The following XDH variants were observed in gnomAD, a reference collection of about 807,000 sequenced individuals.
XDH encodes the protein xanthine dehydrogenase/oxidase.
XDH carries 138 observed loss-of-function variants against 156.1 expected under a neutral mutation model. The ratio of observed to expected loss-of-function variants is 0.88; its 90% CI spans 0.77 to 1.02. The LOEUF (loss-of-function observed/expected upper bound fraction) is 1.02, where lower values mean the gene tolerates loss of function less well. Ranked by LOEUF, XDH falls within the 50% of genes least tolerant of loss-of-function variation. The pLI is 0.00. For synonymous variants in XDH, 669 were observed against 625.7 expected (o/e 1.07, Z -1.03); for missense variants, 1,849 against 1,684.9 (o/e 1.10, Z -1.71).
At chr2:31,403,406 C>T (rs1378269422) in intron 2 of XDH, among the ~76,000 whole-genome samples, 2 of 152,192 alleles carry the variant, frequency 1.3e-5, no homozygotes, top group African/African-American at 4.8e-5. Flanking sequence ...AGTAGCATCT[C>T]TTGGGACATG....
intron 16 of XDH, among the ~76,000 whole-genome samples, chr2:31,373,411 T>C (rs1171332714): frequency 6.6e-6 from 1 of 152,204 alleles, no homozygotes; most frequent in East Asian, 1.9e-4. Flanking sequence ...GCTTTTGTGC[T>C]ACAATGACAG....
intron 24 of XDH, among the ~76,000 whole-genome samples, chr2:31,360,758 A>T (rs1685756012): frequency 6.6e-6 from 1 of 152,180 alleles, no homozygotes; most frequent in African/African-American, 2.4e-5. Context: ...AGATAAGGGA[A>T]GATGACTGTA....
At chr2:31,387,726 G>T in intron 8 of XDH, 85 bp downstream of exon 8, 1 of 1,273,408 alleles carries the variant, frequency 7.9e-7, no homozygotes, top group Non-Finnish European at 1.1e-6. Context: ...AAGACACAAA[G>T]TTCCCAGTGG....
intron 2 of XDH, among the ~76,000 whole-genome samples, chr2:31,404,089 A>G (rs1349260902): frequency 1.3e-5 from 2 of 151,454 alleles, no homozygotes; most frequent in Non-Finnish European, 2.9e-5. Flanking sequence ...TTTAAAAAAA[A>G]CAACAAACTG....
At position 31,381,699 on chromosome 2, in the gene XDH, T is replaced by G; in HGVS notation, c.1066A>C (p.Ser356Arg). ...ASVGGNIITA[S>R]PISDLNPVFM... ...ACGGGGTTGAGGTCGGAGATGGGGC[T>G]GGCAGTGATGATGTTCCCTCCAACG... The change falls in exon 12 of 36, where the codon AGC becomes CGC. Residue 356 changes from serine (S) to arginine (R), a missense_variant. Coordinates refer to ENST00000379416, the MANE Select transcript of XDH (RefSeq NM_000379.4). The G allele has an allele frequency of 6.2e-7, 1 of 1,613,944 alleles. No homozygotes were observed. The highest frequency in any genetic ancestry group is 1.3e-5 in the African/African-American group (1 of 75,032).
In XDH at chr2:31,386,421, C is replaced by T. The variant is rs201436175; in HGVS notation, c.786G>A (p.Thr262=). The T allele has an allele frequency of 1.8e-5, 29 of 1,613,088 alleles. 1 individual carries two copies. The highest frequency in any genetic ancestry group is 1.3e-4 in the East Asian group (6 of 44,870). ...HPDAKLVVGN[T]EIGIEMKFKN... is the part of the protein sequence containing the mutation. ...AGCCTCCCTGGCCCTTACCAATCTC[C>T]GTGTTCCCCACGACCAGCTTGGCGT... The change falls in exon 9 of 36, where the codon ACG becomes ACA. Residue 262 remains threonine, a synonymous_variant. Coordinates refer to ENST00000379416, the MANE Select transcript of XDH (RefSeq NM_000379.4).
intron 24 of XDH, among the ~76,000 whole-genome samples, chr2:31,351,316 T>C (rs1461322813): frequency 6.6e-6 from 1 of 152,244 alleles, no homozygotes; most frequent in Non-Finnish European, 1.5e-5. Flanking sequence ...ATTTTGTATG[T>C]ACTTATTACT....
At chr2:31,376,148 G>A (rs1289331763) in intron 14 of XDH, among the ~76,000 whole-genome samples, 1 of 151,914 alleles carries the variant, frequency 6.6e-6, no homozygotes, top group African/African-American at 2.4e-5. Context: ...GGTAGCAATA[G>A]TAGCAATAAC....
At position 31,372,336 on chromosome 2, in the gene XDH, G is replaced by T. The variant is rs1333577339; in HGVS notation, c.1748C>A (p.Ala583Glu). 2.5e-6 allele frequency: 4 copies of T among 1,614,026 alleles called. No individual in the cohort carries two copies. Among genetic ancestry groups the T allele is most frequent in the African/African-American group, 2.7e-5 (2 of 74,930 alleles). ...GGCCTCACCAGAGGCCTGCATGTCC[G>T]CTGCCAGGTGGGGCAGGGGCCGGCC... ...MVGRPLPHLA[A>E]DMQASGEAVY... is the part of the protein sequence containing the mutation. The change falls in exon 17 of 36, where the codon GCG becomes GAG. Residue 583 changes from alanine (A) to glutamate (E), a missense_variant. Ala to Glu is a moderately radical substitution (Grantham distance 107). Transcript: ENST00000379416.
chr2:31,405,111 A>G (rs545399164), intron 2 of XDH, among the ~76,000 whole-genome samples: 50 of 152,284 alleles, frequency 3.3e-4, no homozygotes, highest in African/African-American at 1.1e-3. Flanking sequence ...AGAACACACT[A>G]GCAAAAGGCA....
intron 9 of XDH, among the ~76,000 whole-genome samples, chr2:31,385,542 C>G (rs745951913): frequency 6.6e-6 from 1 of 152,208 alleles, no homozygotes; most frequent in Non-Finnish European, 1.5e-5. Flanking sequence ...GCATGCCCCT[C>G]CACAGCAGAG....
chr2:31,403,552 G>A (rs1232887533), intron 2 of XDH, among the ~76,000 whole-genome samples: 1 of 152,070 alleles, frequency 6.6e-6, no homozygotes, highest in Non-Finnish European at 1.5e-5. Context: ...AGCCACTTGG[G>A]CCAGAATGAG....
At position 31,347,588 on chromosome 2, in the gene XDH, G is replaced by C. The variant is rs769346803; in HGVS notation, c.3210C>G (p.Asn1070Lys). ...SKIYISETSTNTVPNTSPTAA... is the reference protein window; with the variant it reads ...SKIYISETSTKTVPNTSPTAA... ...CCGTGGGAGAGGTGTTGGGCACAGT[G>C]TTAGTGCTTGTCTCGCTGATATAAA... The change falls in exon 29 of 36, where the codon AAC (asparagine) becomes AAG (lysine). Residue 1070 changes from asparagine (N) to lysine (K), a missense_variant. Asn to Lys is a moderately conservative substitution (Grantham distance 94). Coordinates refer to ENST00000379416, the MANE Select transcript of XDH (RefSeq NM_000379.4). 25 of 1,614,182 alleles carry C rather than the reference G, an allele frequency of 1.5e-5. No homozygotes were observed. Among genetic ancestry groups the C allele is most frequent in the Middle Eastern group, 1.7e-4 (1 of 6,060 alleles).
rs369143571 is a variant in XDH, at chr2:31,375,413, G to C, written c.1569C>G (p.Val523=). ...LSFFFKFYLT[V]LQKLGQENLE... is the part of the protein sequence containing the mutation. ...GGTTCTCTTGGCCCAGCTTCTGAAGGACTGTCAGGTAGAACTTGAAGAAGA... is the reference window on the plus strand; with the variant it reads ...GGTTCTCTTGGCCCAGCTTCTGAAGCACTGTCAGGTAGAACTTGAAGAAGA... The change falls in exon 15 of 36, where the codon GTC becomes GTG. Residue 523 remains valine, a synonymous_variant. Transcript: ENST00000379416. The C allele has an allele frequency of 2.0e-5, 32 of 1,614,040 alleles. No homozygotes were observed. The highest frequency in any genetic ancestry group is 2.5e-5 in the Non-Finnish European group (29 of 1,180,040).
chr2:31,347,655 G>T lies in XDH; in HGVS notation c.3148-5C>A, dbSNP rs770385437. The T allele has an allele frequency of 6.2e-7, 1 of 1,613,250 alleles. No individual in the cohort carries two copies. Among genetic ancestry groups the T allele is most frequent in the East Asian group, 2.2e-5 (1 of 44,848 alleles). Reference sequence around the variant, plus strand: ...TTTCAGAGCTCTACTGGCCACCTGCGAAAAGAGAAGACATTGCCCTCTAGG... The same window carrying T: ...TTTCAGAGCTCTACTGGCCACCTGCTAAAAGAGAAGACATTGCCCTCTAGG... On this transcript the variant is annotated splice_region_variant and splice_polypyrimidine_tract_variant and intron_variant, in intron 28 of 35. Transcript: ENST00000379416.
At position 31,388,269 on chromosome 2, in the gene XDH, C is replaced by T. The variant is rs759462982; in HGVS notation, c.522G>A (p.Gly174=). ...ARDGGCCGGD[G]NNPNCCMNQK... is the part of the protein sequence containing the mutation. ...GGTTCATGCAGCAATTTGGATTATT[C>T]CCATCTCCTCCACAGCATCCACCAT... Residue 174 remains glycine (G), a synonymous_variant, in exon 7 of 36, where the codon GGG becomes GGA. Coordinates refer to ENST00000379416, the MANE Select transcript of XDH (RefSeq NM_000379.4). 6.2e-7 allele frequency: 1 copy of T among 1,614,044 alleles called. No individual in the cohort carries two copies. Among genetic ancestry groups the T allele is most frequent in the African/African-American group, 1.3e-5 (1 of 74,918 alleles).
chr2:31,392,704 T>G (rs898027406), intron 6 of XDH, among the ~76,000 whole-genome samples: 7 of 152,230 alleles, frequency 4.6e-5, no homozygotes, highest in Non-Finnish European at 7.3e-5. Context: ...ATTACAGGCA[T>G]GAGCCGTCGT....
At position 31,383,814 on chromosome 2, in the gene XDH, G is replaced by T. The variant is rs758593082; in HGVS notation, c.827C>A (p.Pro276His). The change falls in exon 10 of 36, where the codon CCT becomes CAT. Residue 276 changes from proline to histidine, a missense_variant. Physicochemically the swap from Pro to His is moderately conservative, Grantham distance 77. Transcript: ENST00000379416. Reference sequence around the variant, plus strand: ...GATCCAGGCTGGGCAGACAATCATAGGAAACAGCATATTCTTGAACTTCAT... The same window carrying T: ...GATCCAGGCTGGGCAGACAATCATATGAAACAGCATATTCTTGAACTTCAT... ...IEMKFKNMLF[P>H]MIVCPAWIPE... 1 of 1,614,110 alleles carries T rather than the reference G, an allele frequency of 6.2e-7. No homozygotes were observed. Among genetic ancestry groups the T allele is most frequent in the Non-Finnish European group, 8.5e-7 (1 of 1,180,026 alleles).
chr2:31,413,858 T>C (rs1687406622), intron 1 of XDH, among the ~76,000 whole-genome samples: 1 of 152,114 alleles, frequency 6.6e-6, no homozygotes, highest in Non-Finnish European at 1.5e-5. Flanking sequence ...CTAGTGACCA[T>C]GTAATATGCT....
Sources: allele counts gnomAD v4.1 joint callset (sites outside exome capture counted in the v4.1 genomes callset), GRCh38; gene constraint gnomAD v4.1.1; transcripts MANE v1.5; gene names NCBI Gene and HGNC (gene_info 2026-07-23, HGNC 2026-07-21).